The following ATP11C variants were observed in gnomAD, a reference collection of about 807,000 sequenced individuals.
ATP11C encodes phospholipid-transporting ATPase IG.
Under a neutral mutation model 97.4 loss-of-function variants are expected in ATP11C, and 36 were observed. The observed-to-expected ratio is 0.37, with a 90% confidence interval of 0.28 to 0.49. ATP11C has a LOEUF of 0.49. ATP11C is among the 20% of genes least tolerant of loss of function. The pLI, the probability that ATP11C is intolerant of heterozygous loss-of-function variation, is 0.98. For synonymous variants in ATP11C, 275 were observed against 290.9 expected (o/e 0.95, Z 0.56); for missense variants, 730 against 824.6 (o/e 0.89, Z 1.40).
At chrX:139,832,719 G>C (rs929143109) in intron 1 of ATP11C, among the ~76,000 whole-genome samples, 6 of 112,176 alleles carry the variant, frequency 5.3e-5, no homozygotes, top group Non-Finnish European at 1.1e-4. Flanking sequence ...TCCACCCTAA[G>C]AGTCACTGTA....
intron 1 of ATP11C, among the ~76,000 whole-genome samples, chrX:139,921,375 C>A (rs146495278): frequency 9.0e-6 from 1 of 111,293 alleles, no homozygotes; most frequent in East Asian, 2.8e-4. Flanking sequence ...CCTCTTCCCC[C>A]CTTCACTCGG....
intron 1 of ATP11C, among the ~76,000 whole-genome samples, chrX:139,868,644 T>C (rs1166510767): frequency 9.2e-6 from 1 of 109,027 alleles, no homozygotes; most frequent in African/African-American, 3.3e-5. Context: ...GGAGAATTGT[T>C]TGAACCCAGG....
upstream of ATP11C, among the ~76,000 whole-genome samples, chrX:139,935,046 G>T (rs2085511144): frequency 8.9e-6 from 1 of 111,954 alleles, no homozygotes; most frequent in Admixed American, 9.5e-5. Context: ...AACTAATTTA[G>T]ACATTTGGGG....
Position 139,832,231 on chromosome X carries a change from TCA to T in ATP11C, c.28-5410_28-5409del, listed in dbSNP as rs745702226. The T allele has an allele frequency of 5.0e-6, 6 of 1,202,528 alleles. No homozygotes were observed. In the African/African-American group the frequency reaches 1.1e-4, roughly 21 times the overall value. ...TTGGCAACACAATGGCAGCTAAATC[TCA>T]GAGAGAATGCTGCAGATTATCAAGC... On this transcript the variant is annotated intron_variant, in intron 1 of 29. Coordinates refer to ENST00000682941, the MANE Select transcript of ATP11C (RefSeq NM_001353812.2).
chrX:139,832,832 A>AT (rs2083678423), intron 1 of ATP11C, among the ~76,000 whole-genome samples: 1 of 112,103 alleles, frequency 8.9e-6, no homozygotes, highest in Non-Finnish European at 1.9e-5. Context: ...CACTATTTAG[A>AT]TATCTCAGAG....
chrX:139,782,542 G>A lies in ATP11C; in HGVS notation c.1952+5C>T. On this transcript the variant is annotated splice_donor_5th_base_variant and intron_variant, in intron 18 of 29. Transcript: ENST00000682941. ...AAAATAATAAGAGTATCATTTTCTA[G>A]TTACTTGTCTTCAACTGCAGTGGCT... 1 of 1,178,780 alleles carries A rather than the reference G, an allele frequency of 8.5e-7. No individual in the cohort carries two copies. The highest frequency in any genetic ancestry group is 1.1e-6 in the Non-Finnish European group (1 of 871,689).
intron 20 of ATP11C, among the ~76,000 whole-genome samples, chrX:139,764,433 A>G (rs1489202002): frequency 1.8e-5 from 2 of 112,844 alleles, no homozygotes. Context: ...GTTCTCCAAA[A>G]ACCTCCTGGC....
intron 7 of ATP11C, among the ~76,000 whole-genome samples, chrX:139,801,216 T>A (rs1200663655): frequency 5.3e-5 from 6 of 112,411 alleles, no homozygotes; most frequent in Non-Finnish European, 9.4e-5. Flanking sequence ...AATAAGTTAC[T>A]CCCTTTTCTG....
intron 1 of ATP11C, among the ~76,000 whole-genome samples, chrX:139,858,153 C>T (rs1569481064): frequency 8.8e-6 from 1 of 113,111 alleles, no homozygotes; most frequent in Admixed American, 9.3e-5. Context: ...GCCCTTCAAC[C>T]TTGGGCTTCC....
chrX:139,731,806 A>G, intron 28 of ATP11C, 51 bp from the exon 29 acceptor site: 1 of 831,088 alleles, frequency 1.2e-6, no homozygotes, highest in Middle Eastern at 3.0e-4. Context: ...TGGTTAACCT[A>G]CCTGGTGATT....
In ATP11C at chrX:139,742,872, AAAAAATATATATAT is replaced by A. The variant is rs1486692391; in HGVS notation, c.3030+673_3030+686del. On this transcript the variant is annotated intron_variant, in intron 26 of 29. Coordinates refer to ENST00000682941, the MANE Select transcript of ATP11C (RefSeq NM_001353812.2). ...TATATTTATTTTTAAATTAAAAAAAAAAAAATATATATATATATATATATATATATATATATATA... is the reference window on the plus strand; with the variant it reads ...TATATTTATTTTTAAATTAAAAAAAAATATATATATATATATATATATATA... 6.4e-3 allele frequency among the ~76,000 whole-genome samples: 155 copies of A among 24,216 alleles called. 1 individual carries two copies. Among genetic ancestry groups the A allele is most frequent in the African/African-American group, 0.019 (145 of 7,437 alleles). The allele number at this position is 24,216 out of a possible 115,157, so 21.0% of individuals were successfully genotyped here.
intron 28 of ATP11C, among the ~76,000 whole-genome samples, chrX:139,735,306 C>G (rs900546082): frequency 7.1e-5 from 8 of 112,030 alleles, no homozygotes; most frequent in African/African-American, 2.3e-4. Context: ...CTTCTCAAAG[C>G]AGCTGCCAAG....
At chrX:139,905,985 A>G (rs773146600) in intron 1 of ATP11C, among the ~76,000 whole-genome samples, 1 of 111,060 alleles carries the variant, frequency 9.0e-6, no homozygotes, top group East Asian at 2.8e-4. Flanking sequence ...GCAAAAATCT[A>G]TCTCCCCTCC....
At chrX:139,888,279 G>A (rs1439309259) in intron 1 of ATP11C, among the ~76,000 whole-genome samples, 6 of 108,021 alleles carry the variant, frequency 5.6e-5, no homozygotes, top group Non-Finnish European at 9.6e-5. Flanking sequence ...GATTACAGGC[G>A]CCCGCCACAA....
chrX:139,862,827 C>T (rs778869855), intron 1 of ATP11C, among the ~76,000 whole-genome samples: 9 of 111,897 alleles, frequency 8.0e-5, no homozygotes, highest in Non-Finnish European at 1.7e-4. Flanking sequence ...ACTATGTATA[C>T]AGTTCTTCCA....
Position 139,819,434 on chromosome X carries a change from G to A in ATP11C, c.148-7C>T, listed in dbSNP as rs1162673555. 3.1e-6 allele frequency: 3 copies of A among 979,809 alleles called. No homozygotes were observed. Among genetic ancestry groups the A allele is most frequent in the Non-Finnish European group, 2.8e-6 (2 of 723,857 alleles). 80.7% of individuals were successfully genotyped at this position (979,809 alleles called of 1,213,427 possible). On this transcript the variant is annotated splice_region_variant and splice_polypyrimidine_tract_variant and intron_variant, in intron 2 of 29. Transcript: ENST00000682941. The stretch of plus-strand genomic sequence containing the variant: ...GAAAATTCCAAAGTGTATACTGTAA[G>A]GGAGGAAGAAAAAAGAACACTGTTA...
rs759737484 is a variant in ATP11C at position 139,796,494 on chromosome X, G to A, written c.1009-24C>T. ...ACCTAAAATAAAAGAGATAGTTCATGCTAATTAGACATACAATTTCATCAG... is the reference window on the plus strand; with the variant it reads ...ACCTAAAATAAAAGAGATAGTTCATACTAATTAGACATACAATTTCATCAG... On this transcript the variant is annotated intron_variant, in intron 11 of 29. Transcript: ENST00000682941. 7 of 991,703 alleles carry A rather than the reference G, an allele frequency of 7.1e-6. No homozygotes were observed. In the African/African-American group the frequency reaches 9.6e-5, roughly 14 times the overall value. The allele number at this position is 991,703 out of a possible 1,213,427, so 81.7% of individuals were successfully genotyped here.
intron 18 of ATP11C, among the ~76,000 whole-genome samples, chrX:139,778,369 G>T (rs2082389650): frequency 8.9e-6 from 1 of 111,823 alleles, no homozygotes; most frequent in Non-Finnish European, 1.9e-5. Flanking sequence ...TATGTTAGTA[G>T]AAAGTTAACA....
chrX:139,896,428 CAAAT>C (rs1274971338), intron 1 of ATP11C, among the ~76,000 whole-genome samples: 2 of 110,277 alleles, frequency 1.8e-5, no homozygotes, highest in Admixed American at 9.8e-5. Flanking sequence ...AAGAAGAGTC[CAAAT>C]AAATATGATG....
Sources: allele counts gnomAD v4.1 joint callset (sites outside exome capture counted in the v4.1 genomes callset), GRCh38; gene constraint gnomAD v4.1.1; transcripts MANE v1.5; gene names NCBI Gene and HGNC (gene_info 2026-07-23, HGNC 2026-07-21).